Variants in DST observed in about 807,000 individuals in gnomAD.
DST encodes bullous pemphigoid antigen.
In DST, 253 loss-of-function variants were observed where a neutral mutation model predicts 875.2. The observed-to-expected ratio is 0.29, with a 90% CI of 0.26 to 0.32. The LOEUF (loss-of-function observed/expected upper bound fraction) is 0.32. DST is among the 10% of genes least tolerant of loss of function. DST has a pLI of 1.00. For missense variants in DST, 8,287 were observed against 9,111.6 expected (o/e 0.91, Z 3.68); for synonymous variants, 3,124 against 3,197.1 (o/e 0.98, Z 0.77).
At chr6:56,519,938 C>T (rs1286826076) in intron 69 of DST, among the ~76,000 whole-genome samples, 3 of 152,304 alleles carry the variant, frequency 2.0e-5, no homozygotes, top group South Asian at 2.1e-4. Context: ...GATTTTAAAG[C>T]AGCCATGATA....
intron 2 of DST, among the ~76,000 whole-genome samples, chr6:56,934,560 TTATATATA>T (rs60018139): frequency 1.1e-3 from 115 of 106,486 alleles, no homozygotes; most frequent in African/African-American, 2.7e-3. Flanking sequence ...ATATATTATA[TTATATATA>T]TATATATATA....
chr6:56,605,929 G>A lies in DST; in HGVS notation c.8699C>T (p.Thr2900Ile), dbSNP rs748995707. 13 of 1,612,580 alleles carry A rather than the reference G, an allele frequency of 8.1e-6. No individual in the cohort carries two copies. The highest frequency in any genetic ancestry group is 1.1e-5 in the Non-Finnish European group (13 of 1,179,410). Residue 2900 changes from threonine (T) to isoleucine (I), a missense_variant, in exon 40 of 104, where the codon ACT becomes ATT. Thr to Ile is a moderately conservative substitution (Grantham distance 89). Transcript: ENST00000680361. ...TEKSNLPEYT[T>I]EIAGKSKENL... The stretch of plus-strand genomic sequence containing the variant: ...TTCTTTGCTTTTTCCAGCAATCTCA[G>A]TTGTATATTCTGGAAGGTTGCTTTT...
intron 98 of DST, among the ~76,000 whole-genome samples, chr6:56,468,210 C>G (rs2094687870): frequency 6.6e-6 from 1 of 152,002 alleles, no homozygotes; most frequent in Non-Finnish European, 1.5e-5. Flanking sequence ...TAAATCAAAA[C>G]AGAGTATCTC....
Position 56,851,688 on chromosome 6 carries a change from C to A in DST, c.418-84G>T, listed in dbSNP as rs751397535. On this transcript the variant is annotated intron_variant, in intron 3 of 103. Transcript: ENST00000680361. ...TTTAAACATCTCCCCCACCAACCAC[C>A]GCCGCCCTCCCTGCCCCCAAACTGG... The A allele has an allele frequency of 5.1e-6, 8 of 1,553,782 alleles. No individual in the cohort carries two copies. In the East Asian group the frequency reaches 1.2e-4, roughly 24 times the overall value.
At chr6:56,743,524 T>C (rs1215294368) in intron 4 of DST, among the ~76,000 whole-genome samples, 1 of 152,178 alleles carries the variant, frequency 6.6e-6, no homozygotes, top group Non-Finnish European at 1.5e-5. Context: ...AGCCCTTGCC[T>C]CCGCTACACG....
At chr6:56,864,321 T>G (rs769799089) in intron 3 of DST, among the ~76,000 whole-genome samples, 11 of 152,154 alleles carry the variant, frequency 7.2e-5, no homozygotes, top group Non-Finnish European at 1.3e-4. Flanking sequence ...TTAAAATAAA[T>G]AAATCTCTGT....
chr6:56,487,034 G>T (rs533739890), intron 87 of DST, 70 bp downstream of exon 87: 1 of 1,474,060 alleles, frequency 6.8e-7, no homozygotes, highest in Non-Finnish European at 9.3e-7. Flanking sequence ...AAATGTCCCC[G>T]CAAAGCACCA....
At chr6:56,806,435 A>C (rs1016921835) in intron 4 of DST, among the ~76,000 whole-genome samples, 1 of 152,220 alleles carries the variant, frequency 6.6e-6, no homozygotes, top group Non-Finnish European at 1.5e-5. Flanking sequence ...TCAAAGGAAG[A>C]CTGGACTAAA....
At chr6:56,550,310 C>T (rs2097300874) in intron 61 of DST, among the ~76,000 whole-genome samples, 1 of 152,002 alleles carries the variant, frequency 6.6e-6, no homozygotes, top group South Asian at 2.1e-4. Flanking sequence ...TGCTGAATTT[C>T]AATAAAATCA....
intron 2 of DST, among the ~76,000 whole-genome samples, chr6:56,943,782 A>G (rs900214457): frequency 2.0e-5 from 3 of 152,000 alleles, no homozygotes; most frequent in African/African-American, 7.2e-5. Context: ...CATGAAGTAA[A>G]CACAGGGTAA....
In DST at chr6:56,528,844, TG is replaced by T; in HGVS notation, c.17676del (p.Thr5893GlnfsTer6). The T allele has an allele frequency of 6.4e-7, 1 of 1,551,446 alleles. No homozygotes were observed. Among genetic ancestry groups the T allele is most frequent in the Non-Finnish European group, 8.8e-7 (1 of 1,136,554 alleles). On this transcript the variant is annotated frameshift_variant, in exon 67 of 104. Coordinates refer to ENST00000680361, the MANE Select transcript of DST (RefSeq NM_001374736.1). LOFTEE classifies it high-confidence loss of function. ...LLNGLELLKQ[T>X]TGDEVLIIQD... is the part of the protein sequence containing the mutation. ...TTTGATTTGAAAGATATCTCACCTG[TG>T]GTTTGTTTAAGTAGTTCTAAACCAT...
chr6:56,891,595 AG>A (rs1787537502), intron 3 of DST, among the ~76,000 whole-genome samples: 1 of 142,252 alleles, frequency 7.0e-6, no homozygotes, highest in Non-Finnish European at 1.5e-5. Context: ...AAAATTAGCC[AG>A]GCATGCTGGC....
At chr6:56,503,347 A>T (rs2096199098) in intron 78 of DST, among the ~76,000 whole-genome samples, 1 of 152,034 alleles carries the variant, frequency 6.6e-6, no homozygotes, top group Non-Finnish European at 1.5e-5. Flanking sequence ...ATTTTCCCTG[A>T]TGTAGTTATT....
At position 56,634,767 on chromosome 6, in the gene DST, CAG is replaced by C. The variant is rs2098810880; in HGVS notation, c.3339+32_3339+33del. 3 of 1,607,540 alleles carry C rather than the reference CAG, an allele frequency of 1.9e-6. No homozygotes were observed. The Admixed American group carries it at 5.0e-5, about 27-fold the overall frequency. On this transcript the variant is annotated intron_variant, in intron 25 of 103. Transcript: ENST00000680361. ...CATTTACAAAATATATGAATAATGA[CAG>C]AAACTGGTCTGTTTCTAGGAGTTAC...
rs909897400 is a variant in DST, at chr6:56,912,360, A to G, written c.217-11739T>C. Among the ~76,000 whole-genome samples the G allele has an allele frequency of 6.6e-5, 10 of 152,186 alleles. No individual in the cohort carries two copies. In the South Asian group the frequency reaches 8.3e-4, roughly 13 times the overall value. ...TTTTAATTAATTAAAATTAAATTAA[A>G]ATTTCAACTTCTCAAGCATGCTAGC... On this transcript the variant is annotated intron_variant, in intron 2 of 103. Transcript: ENST00000680361.
chr6:56,844,843 G>C (rs1186058687), intron 4 of DST, among the ~76,000 whole-genome samples: 1 of 149,798 alleles, frequency 6.7e-6, no homozygotes, highest in Non-Finnish European at 1.5e-5. Flanking sequence ...CCGTATTCCA[G>C]CCTGGGCGAC....
rs761637726 is a variant in DST, at chr6:56,493,116, G to A, written c.20395-27C>T. ...TGCAAGGACAGATTGTTTAGTATGTGATGTTTAAGGGCCTTGGTTATTTTG... is the reference window on the plus strand; with the variant it reads ...TGCAAGGACAGATTGTTTAGTATGTAATGTTTAAGGGCCTTGGTTATTTTG... On this transcript the variant is annotated intron_variant, in intron 83 of 103. Coordinates refer to ENST00000680361, the MANE Select transcript of DST (RefSeq NM_001374736.1). 6 of 1,591,198 alleles carry A rather than the reference G, an allele frequency of 3.8e-6. No individual in the cohort carries two copies. The South Asian group carries it at 5.8e-5, about 15-fold the overall frequency.
At chr6:56,783,143 A>G (rs2099697688) in intron 4 of DST, among the ~76,000 whole-genome samples, 1 of 152,160 alleles carries the variant, frequency 6.6e-6, no homozygotes, top group Non-Finnish European at 1.5e-5. Context: ...TTTACTTCCA[A>G]CTATGTGGTC....
chr6:56,620,772 T>A, intron 36 of DST: 1 of 1,482,924 alleles, frequency 6.7e-7, no homozygotes, highest in Non-Finnish European at 9.4e-7. Context: ...TCTTACAACG[T>A]ATGAATCAAT....
Sources: gnomAD v4.1 joint callset for allele counts (sites outside exome capture counted in the v4.1 genomes callset) on GRCh38, gnomAD v4.1.1 for gene constraint, MANE v1.5 for transcripts, NCBI Gene and HGNC (gene_info 2026-07-23, HGNC 2026-07-21) for gene names.